The following NFIA variants were observed in gnomAD, a reference collection of about 807,000 sequenced individuals.
NFIA encodes the protein nuclear factor 1 A-type.
In NFIA, 8 loss-of-function variants were observed where a neutral mutation model predicts 62.8. The ratio of observed to expected loss-of-function variants is 0.13; its 90% CI spans 0.07 to 0.23. The LOEUF (loss-of-function observed/expected upper bound fraction) is 0.23, where lower values mean the gene tolerates loss of function less well. NFIA is among the 10% of genes least tolerant of loss of function. NFIA has a pLI of 1.00. For synonymous variants in NFIA, 235 were observed against 238.1 expected (o/e 0.99, Z 0.12); for missense variants, 410 against 642.1 (o/e 0.64, Z 3.91).
At position 61,384,463 on chromosome 1, in the gene NFIA, G is replaced by A. The variant is rs1664577837; in HGVS notation, c.1075+1098G>A. Among the ~76,000 whole-genome samples the A allele has an allele frequency of 2.6e-5, 4 of 152,214 alleles. No homozygotes were observed. The South Asian group carries it at 8.3e-4, about 32-fold the overall frequency. ...CATCTTTAAACATCTTGTGATCATT[G>A]GTAGAACTTTCTCAAGATCCCTTCT... On this transcript the variant is annotated intron_variant, in intron 7 of 10. Coordinates refer to ENST00000403491, the MANE Select transcript of NFIA (RefSeq NM_001134673.4).
intron 4 of NFIA, among the ~76,000 whole-genome samples, chr1:61,345,364 A>G (rs1262810680): frequency 6.6e-6 from 1 of 152,204 alleles, no homozygotes; most frequent in Admixed American, 6.5e-5. Context: ...TTGATGATCA[A>G]CTGTGTACAC....
chr1:61,194,060 T>C (rs572745254), intron 2 of NFIA, among the ~76,000 whole-genome samples: 1 of 152,344 alleles, frequency 6.6e-6, no homozygotes, highest in Admixed American at 6.5e-5. Flanking sequence ...ATTAACAAGA[T>C]TGATTTGACT....
At chr1:61,247,814 AG>A (rs1381266112) in intron 2 of NFIA, among the ~76,000 whole-genome samples, 3 of 152,198 alleles carry the variant, frequency 2.0e-5, no homozygotes, top group Non-Finnish European at 4.4e-5. Context: ...CATTCATCTC[AG>A]GGCCAGAAAT....
At chr1:61,127,309 T>A (rs1405716147) in intron 2 of NFIA, among the ~76,000 whole-genome samples, 1 of 151,182 alleles carries the variant, frequency 6.6e-6, no homozygotes, top group Non-Finnish European at 1.5e-5. Flanking sequence ...TACAAAAAAT[T>A]AGCCGGGCAT....
intron 2 of NFIA, among the ~76,000 whole-genome samples, chr1:61,164,968 A>G (rs11207704): frequency 0.02 from 3,100 of 152,266 alleles, 68 homozygotes; most frequent in East Asian, 0.092. Context: ...TTTGGGTGGA[A>G]AGGAGGAGGG....
intron 3 of NFIA, among the ~76,000 whole-genome samples, chr1:61,286,277 A>T (rs552192499): frequency 4.0e-5 from 6 of 151,688 alleles, no homozygotes; most frequent in African/African-American, 1.5e-4. Context: ...AAAAAAAAAA[A>T]ATTAGCCGGG....
chr1:61,155,941 A>G (rs1292123993), intron 2 of NFIA, among the ~76,000 whole-genome samples: 1 of 152,182 alleles, frequency 6.6e-6, no homozygotes, highest in Non-Finnish European at 1.5e-5. Flanking sequence ...GTTCGAGACC[A>G]GCCTGACCAA....
chr1:61,367,217 A>G (rs1557736033), intron 6 of NFIA, among the ~76,000 whole-genome samples: 1 of 152,148 alleles, frequency 6.6e-6, no homozygotes, highest in African/African-American at 2.4e-5. Context: ...TCATTTATCA[A>G]TTGTAAGAGT....
intron 2 of NFIA, among the ~76,000 whole-genome samples, chr1:61,098,477 CTCT>C (rs944906016): frequency 1.3e-5 from 2 of 152,194 alleles, no homozygotes; most frequent in Non-Finnish European, 2.9e-5. Context: ...TTTCCTCCCC[CTCT>C]TCTTTTAAAT....
intron 7 of NFIA, among the ~76,000 whole-genome samples, chr1:61,396,518 G>T: frequency 6.6e-6 from 1 of 152,092 alleles, no homozygotes; most frequent in East Asian, 1.9e-4. Flanking sequence ...AGTAGCTGGG[G>T]TTACAGGTGT....
intron 10 of NFIA, among the ~76,000 whole-genome samples, chr1:61,450,594 T>A (rs77154319): frequency 0.019 from 2,849 of 152,258 alleles, 76 homozygotes; most frequent in African/African-American, 0.052. Flanking sequence ...GGCCAGCCTG[T>A]GTTTGCACAT....
At chr1:61,448,355 C>T (rs1189853413) in intron 10 of NFIA, among the ~76,000 whole-genome samples, 3 of 152,140 alleles carry the variant, frequency 2.0e-5, no homozygotes, top group African/African-American at 4.8e-5. Flanking sequence ...ATGGAATTGA[C>T]GCAGCTGCTA....
chr1:61,413,176 T>A (rs116405282), intron 9 of NFIA, among the ~76,000 whole-genome samples: 3,530 of 152,308 alleles, frequency 0.023, 52 homozygotes, highest in Non-Finnish European at 0.037. Context: ...AATAGAAGCA[T>A]ATAATAAGTT....
At position 61,461,647 on chromosome 1, in the gene NFIA, TG is replaced by T. The variant is rs1325306045; in HGVS notation, c.*6332del. On this transcript the variant is annotated 3_prime_UTR_variant, in exon 11 of 11. Transcript: ENST00000403491. ...GTCGTGAGAACAGGGAGACAGTGTG[TG>T]GGGGTGGGACCTCATCTGTGTGCCT... 1 of 152,180 alleles carries T rather than the reference TG, an allele frequency of 6.6e-6. No individual in the cohort carries two copies. Among genetic ancestry groups the T allele is most frequent in the East Asian group, 1.9e-4 (1 of 5,192 alleles). 9.4% of individuals were successfully genotyped at this position (152,180 alleles called of 1,614,324 possible).
At chr1:61,391,399 C>T (rs1179052516) in intron 7 of NFIA, among the ~76,000 whole-genome samples, 3 of 144,668 alleles carry the variant, frequency 2.1e-5, no homozygotes, top group African/African-American at 5.1e-5. Flanking sequence ...ATACAAAATG[C>T]GAACACAAGG....
chr1:61,454,082 T>A (rs930850562), intron 10 of NFIA, among the ~76,000 whole-genome samples: 1 of 152,228 alleles, frequency 6.6e-6, no homozygotes, highest in African/African-American at 2.4e-5. Context: ...AATGAGTCCT[T>A]ACATTACCTA....
At chr1:61,234,584 A>G (rs1426908362) in intron 2 of NFIA, among the ~76,000 whole-genome samples, 1 of 152,154 alleles carries the variant, frequency 6.6e-6, no homozygotes, top group Non-Finnish European at 1.5e-5. Flanking sequence ...AAATACTAGC[A>G]TATAAAAGAA....
intron 1 of NFIA, among the ~76,000 whole-genome samples, chr1:61,083,563 G>C (rs890570910): frequency 6.6e-6 from 1 of 151,768 alleles, no homozygotes; most frequent in African/African-American, 2.4e-5. Context: ...GCGCCGGCCG[G>C]GTGGAGCCTG....
At chr1:61,403,086 G>A (rs1003787610) in intron 7 of NFIA, among the ~76,000 whole-genome samples, 3 of 152,198 alleles carry the variant, frequency 2.0e-5, no homozygotes, top group African/African-American at 7.2e-5. Context: ...GGACATTCCT[G>A]TGATTTTCAG....
Sources: allele counts gnomAD v4.1 joint callset (sites outside exome capture counted in the v4.1 genomes callset), GRCh38; gene constraint gnomAD v4.1.1; transcripts MANE v1.5; gene names NCBI Gene and HGNC (gene_info 2026-07-23, HGNC 2026-07-21).